MAGI2: variants seen among roughly 807,000 people sequenced by gnomAD.
MAGI2 encodes membrane associated guanylate kinase, WW and PDZ domain containing 2, also known as membrane-associated guanylate kinase, WW and PDZ domain-containing protein 2.
Under a neutral mutation model 133.3 loss-of-function variants are expected in MAGI2, and 35 were observed. That is an observed-to-expected ratio of 0.26 (90% CI 0.20 to 0.35). The LOEUF is 0.35. Among genes scored for constraint, MAGI2 ranks in the 10% least tolerant of loss-of-function variants. The pLI is 1.00. For missense variants in MAGI2, 1,636 were observed against 1,863.4 expected (o/e 0.88, Z 2.25); for synonymous variants, 729 against 710.6 (o/e 1.03, Z -0.41).
Position 79,007,192 on chromosome 7 carries a change from T to C in MAGI2, c.316A>G (p.Lys106Glu). The C allele has an allele frequency of 6.2e-7, 1 of 1,603,482 alleles. No individual in the cohort carries two copies. The highest frequency in any genetic ancestry group is 8.5e-7 in the Non-Finnish European group (1 of 1,174,588). Residue 106 changes from lysine (K) to glutamate (E), a missense_variant, in exon 2 of 22, where the codon AAA becomes GAA. Physicochemically the swap from Lys to Glu is moderately conservative, Grantham distance 56. This residue lies in a region of MAGI2 where 148 missense variants were observed against 239.0 expected (regional missense o/e 0.62). Transcript: ENST00000354212. The part of the protein sequence containing the change: ...KCVKQGGIVD[K>E]DLRHYLNLRF... ...AAGTTGAGGTAGTGACGAAGGTCTT[T>C]ATCAACAATTCCTCCTAAAAATAAA... is the stretch of plus-strand genomic sequence containing the variant.
intron 2 of MAGI2, among the ~76,000 whole-genome samples, chr7:78,909,243 G>A (rs758881999): frequency 1.3e-5 from 2 of 151,752 alleles, no homozygotes; most frequent in Non-Finnish European, 2.9e-5. Context: ...TTAGAGAAAT[G>A]CAAATCAAAA....
rs971123302 is a variant in MAGI2, at chr7:79,198,797, A to G, written c.302-191591T>C. The stretch of plus-strand genomic sequence containing the variant: ...CAGCTATTCGGGAGGCTGAGGCAGG[A>G]GAATCGCTTGAACCCAAGAGGCAGA... On this transcript the variant is annotated intron_variant, in intron 1 of 21. Coordinates refer to ENST00000354212, the MANE Select transcript of MAGI2 (RefSeq NM_012301.4). Among the ~76,000 whole-genome samples the G allele has an allele frequency of 5.3e-5, 8 of 152,104 alleles. No individual in the cohort carries two copies. In the East Asian group the frequency reaches 1.4e-3, roughly 26 times the overall value.
chr7:79,404,508 T>A (rs564810185), intron 1 of MAGI2, among the ~76,000 whole-genome samples: 1 of 152,230 alleles, frequency 6.6e-6, no homozygotes, highest in East Asian at 1.9e-4. Context: ...GCCTTTAACA[T>A]TTCTTCTTGA....
At chr7:79,003,682 T>C (rs1807129126) in intron 2 of MAGI2, among the ~76,000 whole-genome samples, 1 of 152,212 alleles carries the variant, frequency 6.6e-6, no homozygotes, top group Non-Finnish European at 1.5e-5. Flanking sequence ...ATGGACACAC[T>C]TCTACTGCAC....
chr7:78,351,941 G>A (rs1791561619), intron 7 of MAGI2: 1 of 152,116 alleles, frequency 6.6e-6, no homozygotes, highest in African/African-American at 2.4e-5. Flanking sequence ...TCACATCCAA[G>A]CCCCTGCACA....
chr7:78,923,462 AT>A (rs1412323420), intron 2 of MAGI2, among the ~76,000 whole-genome samples: 1 of 152,156 alleles, frequency 6.6e-6, no homozygotes, highest in Non-Finnish European at 1.5e-5. Context: ...TCCTTTCCCC[AT>A]TGCTTGTTTT....
chr7:78,972,681 T>C lies in MAGI2; in HGVS notation c.418+34409A>G, dbSNP rs561157582. 3.4e-4 allele frequency among the ~76,000 whole-genome samples: 51 copies of C among 152,012 alleles called. 2 individuals are homozygous for C. The South Asian group carries it at 0.01, about 31-fold the overall frequency. ...ATAATCCAGGCACAGATAATTGTAA[T>C]TGACTTTATCTACAAATTTTGTTAT... On this transcript the variant is annotated intron_variant, in intron 2 of 21. Coordinates refer to ENST00000354212, the MANE Select transcript of MAGI2 (RefSeq NM_012301.4).
intron 13 of MAGI2, among the ~76,000 whole-genome samples, chr7:78,180,564 A>G (rs3779285): frequency 0.28 from 42,326 of 152,100 alleles, 6,443 homozygotes; most frequent in South Asian, 0.36. Flanking sequence ...TCTGAAGAAC[A>G]GAGACACGAA....
At chr7:78,560,747 T>C (rs1800318305) in intron 3 of MAGI2, among the ~76,000 whole-genome samples, 3 of 152,194 alleles carry the variant, frequency 2.0e-5, no homozygotes. Flanking sequence ...TGCTTTCTGA[T>C]AGCATGCTCT....
intron 6 of MAGI2, among the ~76,000 whole-genome samples, chr7:78,482,132 A>G (rs1378433491): frequency 1.3e-5 from 2 of 151,980 alleles, no homozygotes; most frequent in African/African-American, 4.8e-5. Context: ...TATGACAAAT[A>G]ATCATATAAA....
intron 2 of MAGI2, among the ~76,000 whole-genome samples, chr7:78,735,409 G>A (rs1289826435): frequency 1.3e-5 from 2 of 152,056 alleles, no homozygotes; most frequent in Non-Finnish European, 2.9e-5. Context: ...TATGAGATAG[G>A]AAAAAATAAA....
intron 21 of MAGI2, among the ~76,000 whole-genome samples, chr7:78,074,533 A>G (rs543469808): frequency 2.6e-5 from 4 of 152,144 alleles, no homozygotes; most frequent in Admixed American, 6.5e-5. Flanking sequence ...ATTAGGGTGC[A>G]TTAGGAAAAA....
chr7:79,447,464 T>C (rs2129203979), intron 1 of MAGI2, among the ~76,000 whole-genome samples: 1 of 152,206 alleles, frequency 6.6e-6, no homozygotes, highest in African/African-American at 2.4e-5. Flanking sequence ...AAATTAATAC[T>C]GAACCCTGGA....
intron 6 of MAGI2, among the ~76,000 whole-genome samples, chr7:78,453,994 G>A (rs977618282): frequency 2.0e-5 from 3 of 151,846 alleles, no homozygotes; most frequent in Non-Finnish European, 4.4e-5. Context: ...CGGGATAATT[G>A]GGATACCTAT....
intron 2 of MAGI2, among the ~76,000 whole-genome samples, chr7:78,893,299 A>G (rs895864999): frequency 6.6e-6 from 1 of 152,256 alleles, no homozygotes; most frequent in Non-Finnish European, 1.5e-5. Context: ...AAACTTGTTC[A>G]GCCATTGTGG....
At chr7:78,309,923 A>T (rs1798558558) in intron 9 of MAGI2, among the ~76,000 whole-genome samples, 4 of 152,150 alleles carry the variant, frequency 2.6e-5, no homozygotes, top group Admixed American at 2.6e-4. Flanking sequence ...ATCCTATGTA[A>T]AGCTTAATGT....
At chr7:79,196,551 T>C (rs1828097668) in intron 1 of MAGI2, among the ~76,000 whole-genome samples, 1 of 152,008 alleles carries the variant, frequency 6.6e-6, no homozygotes, top group African/African-American at 2.4e-5. Context: ...TGATTCCTAC[T>C]TCCCCCTATC....
chr7:78,599,716 A>G (rs918995565), intron 3 of MAGI2, among the ~76,000 whole-genome samples: 25 of 152,146 alleles, frequency 1.6e-4, no homozygotes, highest in African/African-American at 5.8e-4. Context: ...GACTTCAATT[A>G]TTTCCTGCAC....
intron 9 of MAGI2, among the ~76,000 whole-genome samples, chr7:78,266,617 A>T (rs1483280344): frequency 6.6e-6 from 1 of 151,612 alleles, no homozygotes; most frequent in Non-Finnish European, 1.5e-5. Context: ...TTGCTCTGTC[A>T]CCCAGGCTGG....
Sources: gnomAD v4.1 joint callset for allele counts (sites outside exome capture counted in the v4.1 genomes callset) on GRCh38, gnomAD v4.1.1 for gene constraint, gnomAD v4.1.1 regional missense constraint, MANE v1.5 for transcripts, NCBI Gene and HGNC (gene_info 2026-07-23, HGNC 2026-07-21) for gene names.